The following SNX27 variants were observed in gnomAD, a reference collection of about 807,000 sequenced individuals.
SNX27 encodes sorting nexin 27, also known as sorting nexin-27.
In SNX27, 22 loss-of-function variants were observed where a neutral mutation model predicts 71.6. That is an observed-to-expected ratio of 0.31 (90% confidence interval 0.22 to 0.44). SNX27 has a LOEUF of 0.44. Ranked by LOEUF, SNX27 falls within the 20% of genes least tolerant of loss-of-function variation. The pLI is 1.00. For synonymous variants in SNX27, 269 were observed against 277.2 expected (o/e 0.97, Z 0.29); for missense variants, 531 against 698.6 (o/e 0.76, Z 2.70).
intron 7 of SNX27, among the ~76,000 whole-genome samples, chr1:151,682,704 G>A (rs1458682955): frequency 2.0e-5 from 3 of 152,184 alleles, no homozygotes; most frequent in African/African-American, 7.2e-5. Context: ...GGTGACGAGA[G>A]AGAGAGCACA....
At chr1:151,692,879 CTG>C in intron 9 of SNX27, 30 bp from the exon 10 acceptor site, 1 of 1,613,918 alleles carries the variant, frequency 6.2e-7, no homozygotes, top group Non-Finnish European at 8.5e-7. Flanking sequence ...GAAACACAGA[CTG>C]TACCTTACTC....
intron 1 of SNX27, among the ~76,000 whole-genome samples, chr1:151,636,666 T>TAAAAAAAA (rs11333472): frequency 1.0e-5 from 1 of 97,562 alleles, no homozygotes; most frequent in African/African-American, 3.8e-5. Flanking sequence ...TCCACTTTTG[T>TAAAAAAAA]AAAAAAAAAA....
intron 2 of SNX27, among the ~76,000 whole-genome samples, chr1:151,641,598 G>GATATATATATAT (rs56886589): frequency 0.02 from 1,559 of 78,782 alleles, 44 homozygotes; most frequent in East Asian, 0.036. Flanking sequence ...TCCTTTATCA[G>GATATATATATAT]ATATATATAT....
At position 151,621,196 on chromosome 1, in the gene SNX27, A is replaced by C. The variant is rs186321391; in HGVS notation, c.311+8684A>C. 7.6e-4 allele frequency among the ~76,000 whole-genome samples: 116 copies of C among 152,306 alleles called. 2 individuals are homozygous for C. The East Asian group carries it at 0.015, about 19-fold the overall frequency. On this transcript the variant is annotated intron_variant, in intron 1 of 11. Transcript: ENST00000458013. ...GTGAATTGTTGCTTTCTTTCATAAT[A>C]TTCGTACTCCAGGGTTAAATTTTGT... is the stretch of plus-strand genomic sequence containing the variant.
At position 151,692,604 on chromosome 1, in the gene SNX27, C is replaced by A. The variant is rs1671507777; in HGVS notation, c.1389+20C>A. ...CTGGAGGTGAGTTTTCAGCATAGGGCTCTGGCTGCGAGGACTGGAGATACT... is the reference window on the plus strand; with the variant it reads ...CTGGAGGTGAGTTTTCAGCATAGGGATCTGGCTGCGAGGACTGGAGATACT... On this transcript the variant is annotated intron_variant, in intron 9 of 11. Transcript: ENST00000458013. The A allele has an allele frequency of 6.2e-7, 1 of 1,604,320 alleles. No homozygotes were observed. Among genetic ancestry groups the A allele is most frequent in the African/African-American group, 1.3e-5 (1 of 74,308 alleles).
At chr1:151,654,049 T>C (rs964894758) in intron 2 of SNX27, among the ~76,000 whole-genome samples, 1 of 152,118 alleles carries the variant, frequency 6.6e-6, no homozygotes, top group Non-Finnish European at 1.5e-5. Flanking sequence ...GCTGGGATAG[T>C]CTTGATCTTT....
At chr1:151,683,570 G>T in intron 8 of SNX27, 125 bp downstream of exon 8, 1 of 555,760 alleles carries the variant, frequency 1.8e-6, no homozygotes. Flanking sequence ...AAAAGGAGGG[G>T]AATAGGGACC....
At position 151,615,491 on chromosome 1, in the gene SNX27, G is replaced by C. The variant is rs561901098; in HGVS notation, c.311+2979G>C. Among the ~76,000 whole-genome samples, 14 of 152,208 alleles carry C rather than the reference G, an allele frequency of 9.2e-5. No homozygotes were observed. In the South Asian group the frequency reaches 2.5e-3, roughly 27 times the overall value. On this transcript the variant is annotated intron_variant, in intron 1 of 11. Transcript: ENST00000458013. ...CCGCTACTTGTCTCGATCTTGGTTA[G>C]GTTGATGCTAATTTTCCTAAAGCAT...
intron 1 of SNX27, among the ~76,000 whole-genome samples, chr1:151,624,140 T>G (rs541984298): frequency 6.6e-6 from 1 of 151,876 alleles, no homozygotes; most frequent in East Asian, 1.9e-4. Context: ...TTTTTAAAAA[T>G]TTTTTTGTAA....
chr1:151,632,162 G>GTT (rs553648123), intron 1 of SNX27, among the ~76,000 whole-genome samples: 1 of 143,324 alleles, frequency 7.0e-6, no homozygotes, highest in African/African-American at 2.5e-5. Context: ...TGCGGAGGTT[G>GTT]TTTTTTTTTT....
intron 1 of SNX27, chr1:151,613,297 G>A (rs1190807865): frequency 6.6e-6 from 1 of 152,414 alleles, no homozygotes; most frequent in Non-Finnish European, 1.5e-5. Context: ...GGAATCTAGC[G>A]TCTCCATCAG....
At chr1:151,689,681 A>G (rs1671348624) in intron 8 of SNX27, among the ~76,000 whole-genome samples, 1 of 152,310 alleles carries the variant, frequency 6.6e-6, no homozygotes, top group South Asian at 2.1e-4. Context: ...AGGGTCAACG[A>G]CACCCACTGG....
At chr1:151,679,615 A>G (rs1342427660) in intron 7 of SNX27, 1 of 152,216 alleles carries the variant, frequency 6.6e-6, no homozygotes, top group South Asian at 2.1e-4. Flanking sequence ...TGTGGAGGAA[A>G]AATTGGTGAT....
chr1:151,629,970 G>A (rs1404906551), intron 1 of SNX27, among the ~76,000 whole-genome samples: 1 of 151,764 alleles, frequency 6.6e-6, no homozygotes, highest in Non-Finnish European at 1.5e-5. Flanking sequence ...AATTAGCAGG[G>A]CGTGGTGGCC....
chr1:151,693,764 G>C (rs1047557695), intron 11 of SNX27: 52 of 1,504,136 alleles, frequency 3.5e-5, no homozygotes, highest in Non-Finnish European at 4.6e-5. Flanking sequence ...ACCCTCCTCT[G>C]CCAGTTTTTT....
chr1:151,691,166 C>T (rs187959766), intron 8 of SNX27, among the ~76,000 whole-genome samples: 29 of 152,020 alleles, frequency 1.9e-4, no homozygotes, highest in Admixed American at 1.3e-3. Context: ...GCCTATAGTC[C>T]CAGCTACTCA....
rs1671550498 is a variant in SNX27 at position 151,693,400 on chromosome 1, G to A, written c.1519-24G>A. On this transcript the variant is annotated intron_variant, in intron 10 of 11. Transcript: ENST00000458013. Reference sequence around the variant, plus strand: ...AGATGCCTGCTCTTGAGAAGTTAGTGAGTGTCACCACCTTTTTTTTCAGTT... The same window carrying A: ...AGATGCCTGCTCTTGAGAAGTTAGTAAGTGTCACCACCTTTTTTTTCAGTT... 1.9e-6 allele frequency: 3 copies of A among 1,612,952 alleles called. No homozygotes were observed. The South Asian group carries it at 3.3e-5, about 18-fold the overall frequency.
At chr1:151,651,016 C>T (rs571859428) in intron 2 of SNX27, among the ~76,000 whole-genome samples, 3 of 152,232 alleles carry the variant, frequency 2.0e-5, no homozygotes, top group South Asian at 2.1e-4. Context: ...TACACAGACA[C>T]GGCAACCATC....
In SNX27 at chr1:151,612,273, G is replaced by T; in HGVS notation, c.72G>T (p.Gly24=). ...PHRNGGGGGG[G]GSGLHCAGNG... is the part of the protein sequence containing the mutation. Reference sequence around the variant, plus strand: ...GGAACGGAGGTGGCGGCGGCGGCGGGGGGTCTGGGCTCCACTGCGCCGGGA... The same window carrying T: ...GGAACGGAGGTGGCGGCGGCGGCGGTGGGTCTGGGCTCCACTGCGCCGGGA... Residue 24 remains glycine, a synonymous_variant, in exon 1 of 12, where the codon GGG becomes GGT. Transcript: ENST00000458013. The surrounding 1 kb of genome is among the most constrained non-coding windows in gnomAD (Gnocchi z 5.2). 1 of 1,462,498 alleles carries T rather than the reference G, an allele frequency of 6.8e-7. No homozygotes were observed. Among genetic ancestry groups the T allele is most frequent in the Non-Finnish European group, 9.0e-7 (1 of 1,110,152 alleles). The allele number at this position is 1,462,498 out of a possible 1,614,324, so 90.6% of individuals were successfully genotyped here.
Sources: allele counts gnomAD v4.1 joint callset (sites outside exome capture counted in the v4.1 genomes callset), GRCh38; gene constraint gnomAD v4.1.1; non-coding constraint Gnocchi (gnomAD v3.1); transcripts MANE v1.5; gene names NCBI Gene and HGNC (gene_info 2026-07-23, HGNC 2026-07-21).